SEC24C: variants seen among roughly 807,000 people sequenced by gnomAD.
SEC24C encodes protein transport protein Sec24C.
SEC24C carries 22 observed loss-of-function variants against 117.0 expected under a neutral mutation model. The ratio of observed to expected loss-of-function variants is 0.19; its 90% confidence interval spans 0.13 to 0.27. The LOEUF (loss-of-function observed/expected upper bound fraction) is 0.27. SEC24C is among the 10% of genes least tolerant of loss of function. SEC24C has a pLI of 1.00. For missense variants in SEC24C, 1,155 were observed against 1,375.1 expected (o/e 0.84, Z 2.53); for synonymous variants, 506 against 529.4 (o/e 0.96, Z 0.61).
At chr10:73,763,252 T>C (rs2082824987) in intron 6 of SEC24C, among the ~76,000 whole-genome samples, 1 of 152,194 alleles carries the variant, frequency 6.6e-6, no homozygotes. Flanking sequence ...AAGAAGCCCA[T>C]TCTCATGTTG....
rs775301688 is a variant in SEC24C, at chr10:73,759,695, G to A, written c.382G>A (p.Gly128Ser). 5 of 1,607,850 alleles carry A rather than the reference G, an allele frequency of 3.1e-6. No homozygotes were observed. In the South Asian group the frequency reaches 5.5e-5, roughly 18 times the overall value. The change falls in exon 4 of 23, where the codon GGC becomes AGC. Residue 128 changes from glycine (G) to serine (S), a missense_variant. This residue lies in a region of SEC24C where 396 missense variants were observed against 382.8 expected (regional missense o/e 1.03). Coordinates refer to ENST00000345254, the MANE Select transcript of SEC24C (RefSeq NM_198597.3). ...CCAGCCACCTGTGCTTCAGCCCTAT[G>A]GCCCTCCCCCGACAAGTGCACAGGT... ...GNQPPVLQPY[G>S]PPPTSAQVAT... is the part of the protein sequence containing the mutation.
intron 13 of SEC24C, 76 bp from the exon 14 acceptor site, chr10:73,766,978 A>C: frequency 1.4e-6 from 2 of 1,398,116 alleles, no homozygotes; most frequent in Non-Finnish European, 1.0e-6. Context: ...TGTCTGACAT[A>C]GCTGGTGCTT....
Position 73,766,213 on chromosome 10 carries a change from G to T in SEC24C, c.1607+3G>T. 6.2e-7 allele frequency: 1 copy of T among 1,610,478 alleles called. No homozygotes were observed. The highest frequency in any genetic ancestry group is 1.1e-5 in the South Asian group (1 of 90,496). On this transcript the variant is annotated splice_donor_region_variant and intron_variant, in intron 11 of 22. Coordinates refer to ENST00000345254, the MANE Select transcript of SEC24C (RefSeq NM_198597.3). ...TCACTGTTAGACTTTCTACCTAGGT[G>T]AGAGTTACAGAACTGAGGTGTTTCC... is the stretch of plus-strand genomic sequence containing the variant.
rs766534273 is a variant in SEC24C at position 73,760,872 on chromosome 10, C to T, written c.987+23C>T. The T allele has an allele frequency of 8.2e-6, 13 of 1,591,722 alleles. No homozygotes were observed. The Admixed American group carries it at 2.4e-4, about 29-fold the overall frequency. Reference sequence around the variant, plus strand: ...CCTGTAAGTAGAAACTTTCATGGTCCTGAGGAAGGGTTTGTGTCTGCCAGA... The same window carrying T: ...CCTGTAAGTAGAAACTTTCATGGTCTTGAGGAAGGGTTTGTGTCTGCCAGA... On this transcript the variant is annotated intron_variant, in intron 6 of 22. Coordinates refer to ENST00000345254, the MANE Select transcript of SEC24C (RefSeq NM_198597.3).
At chr10:73,765,663 G>A in intron 9 of SEC24C, 74 bp downstream of exon 9, 1 of 1,593,170 alleles carries the variant, frequency 6.3e-7, no homozygotes, top group Non-Finnish European at 8.6e-7. Flanking sequence ...AATAGTTAGA[G>A]AGATGAGGGT....
Position 73,769,095 on chromosome 10 carries a change from G to A in SEC24C, c.2367G>A (p.Val789=). The A allele has an allele frequency of 1.9e-6, 3 of 1,614,238 alleles. No individual in the cohort carries two copies. The East Asian group carries it at 6.7e-5, about 36-fold the overall frequency. Residue 789 remains valine, a synonymous_variant, in exon 17 of 23, where the codon GTG becomes GTA. Transcript: ENST00000345254. This position sits in a 1 kb window ranked among gnomAD's most constrained non-coding sequence, Gnocchi z 4.5. ...CTGGGCTAGATGGGGACAAAACAGT[G>A]ACTGTGGAGTTCAAGCATGACGATC... The part of the protein sequence containing the change: ...ELAGLDGDKT[V]TVEFKHDDRL...
chr10:73,767,884 G>A lies in SEC24C; in HGVS notation c.2058G>A (p.Glu686=), dbSNP rs2082909424. 3.1e-6 allele frequency: 5 copies of A among 1,613,706 alleles called. No homozygotes were observed. The highest frequency in any genetic ancestry group is 4.2e-6 in the Non-Finnish European group (5 of 1,179,800). ...GTGCCTATCAGACCCTGGCCAAAGA[G>A]TGTGTGGCCCAAGGCTGCTGTGTAG... ...QTGAYQTLAK[E]CVAQGCCVDL... The change falls in exon 15 of 23, where the codon GAG becomes GAA. Residue 686 remains glutamate, a synonymous_variant. Coordinates refer to ENST00000345254, the MANE Select transcript of SEC24C (RefSeq NM_198597.3).
At chr10:73,755,912 C>T (rs1313507967) in intron 3 of SEC24C, among the ~76,000 whole-genome samples, 1 of 150,568 alleles carries the variant, frequency 6.6e-6, no homozygotes, top group Non-Finnish European at 1.5e-5. Flanking sequence ...AGTGCAGTGG[C>T]ACGATCTCTG....
At chr10:73,746,709 C>A in intron 1 of SEC24C, 96 bp from the exon 2 acceptor site, 1 of 759,764 alleles carries the variant, frequency 1.3e-6, no homozygotes, top group Non-Finnish European at 2.0e-6. Flanking sequence ...TGATCACTGT[C>A]TGATAAGGTC....
intron 2 of SEC24C, among the ~76,000 whole-genome samples, chr10:73,750,505 G>C (rs980834617): frequency 6.6e-6 from 1 of 152,208 alleles, no homozygotes; most frequent in Non-Finnish European, 1.5e-5. Context: ...CAGGCCAGCT[G>C]TCCTTACTGA....
At chr10:73,767,477 GACTA>G (rs1303926327) in intron 14 of SEC24C, among the ~76,000 whole-genome samples, 1 of 152,124 alleles carries the variant, frequency 6.6e-6, no homozygotes, top group Non-Finnish European at 1.5e-5. Context: ...AGACCAGCCT[GACTA>G]ACATGGCAAA....
Position 73,769,216 on chromosome 10 carries a change from G to A in SEC24C, c.2424+64G>A, listed in dbSNP as rs777799068. ...ATTCGCTTGGTATAGAAGAGGGTGA[G>A]GAATGGGTAGAGAGCACTAAAAGAA... On this transcript the variant is annotated intron_variant, in intron 17 of 22. Transcript: ENST00000345254. The surrounding 1 kb of genome is among the most constrained non-coding windows in gnomAD (Gnocchi z 4.5). 6.3e-6 allele frequency: 10 copies of A among 1,599,582 alleles called. No homozygotes were observed. Among genetic ancestry groups the A allele is most frequent in the South Asian group, 1.1e-5 (1 of 89,428 alleles).
At chr10:73,750,578 T>C (rs576328358) in intron 2 of SEC24C, among the ~76,000 whole-genome samples, 1 of 152,332 alleles carries the variant, frequency 6.6e-6, no homozygotes, top group Non-Finnish European at 1.5e-5. Flanking sequence ...TGCTGTTTCA[T>C]GTTTTCACAC....
chr10:73,767,910 A>C lies in SEC24C; in HGVS notation c.2084A>C (p.Asp695Ala). 6.2e-7 allele frequency: 1 copy of C among 1,613,430 alleles called. No homozygotes were observed. Among genetic ancestry groups the C allele is most frequent in the South Asian group, 1.1e-5 (1 of 91,004 alleles). Residue 695 changes from aspartate (D) to alanine (A), a missense_variant, in exon 15 of 23, where the codon GAT (aspartate) becomes GCT (alanine). By Grantham distance (126) the Asp-to-Ala change is moderately radical (BLOSUM62 -2). This residue lies in a region of SEC24C where 759 missense variants were observed against 992.3 expected (regional missense o/e 0.76). Transcript: ENST00000345254. ...TGTGTGGCCCAAGGCTGCTGTGTAGATCTCTTTCTCTTCCCTAACCAGTAT... is the reference window on the plus strand; with the variant it reads ...TGTGTGGCCCAAGGCTGCTGTGTAGCTCTCTTTCTCTTCCCTAACCAGTAT... ...KECVAQGCCVDLFLFPNQYVD... is the reference protein window; with the variant it reads ...KECVAQGCCVALFLFPNQYVD...
At chr10:73,749,439 C>G (rs1393763147) in intron 2 of SEC24C, among the ~76,000 whole-genome samples, 1 of 152,090 alleles carries the variant, frequency 6.6e-6, no homozygotes, top group Non-Finnish European at 1.5e-5. Context: ...TGAGTTTCCT[C>G]TGCTTCTTAG....
At chr10:73,758,668 A>T (rs960499366) in intron 3 of SEC24C, among the ~76,000 whole-genome samples, 4 of 152,214 alleles carry the variant, frequency 2.6e-5, no homozygotes, top group African/African-American at 9.6e-5. Flanking sequence ...ACTATGTGAT[A>T]TTTTATAACT....
chr10:73,770,592 A>C (rs1473578893), intron 21 of SEC24C, 117 bp from the exon 22 acceptor site: 5 of 1,488,286 alleles, frequency 3.4e-6, no homozygotes, highest in Non-Finnish European at 4.7e-6. Flanking sequence ...GGACAAGGGC[A>C]GTTGCTGTCA....
intron 7 of SEC24C, 105 bp downstream of exon 7, chr10:73,763,706 T>TTTA: frequency 1.5e-6 from 1 of 681,258 alleles, no homozygotes; most frequent in Non-Finnish European, 2.2e-6. Flanking sequence ...TTTTAGTTTT[T>TTTA]AACCAGAGAC....
At chr10:73,757,920 CAAAAAAAA>C (rs61625607) in intron 3 of SEC24C, among the ~76,000 whole-genome samples, 2 of 38,876 alleles carry the variant, frequency 5.1e-5, no homozygotes, top group East Asian at 8.2e-4. Flanking sequence ...GACCCTGTCT[CAAAAAAAA>C]AAAAAAAAAA....
Sources: gnomAD v4.1 joint callset for allele counts (sites outside exome capture counted in the v4.1 genomes callset) on GRCh38, gnomAD v4.1.1 for gene constraint, gnomAD v4.1.1 regional missense constraint, Gnocchi (gnomAD v3.1) non-coding constraint, MANE v1.5 for transcripts, NCBI Gene and HGNC (gene_info 2026-07-23, HGNC 2026-07-21) for gene names.